CTNND2: variants seen among roughly 807,000 people sequenced by gnomAD.
The protein encoded by CTNND2 is catenin delta 2.
Under a neutral mutation model 144.4 loss-of-function variants are expected in CTNND2, and 22 were observed. That is an observed-to-expected ratio of 0.15 (90% CI 0.11 to 0.22). CTNND2 has a LOEUF of 0.22. Among genes scored for constraint, CTNND2 ranks in the 10% least tolerant of loss-of-function variants. The pLI is 1.00. For missense variants in CTNND2, 1,353 were observed against 1,618.8 expected (o/e 0.84, Z 2.82); for synonymous variants, 751 against 695.6 (o/e 1.08, Z -1.25).
At chr5:11,285,072 T>C (rs1238054297) in intron 9 of CTNND2, among the ~76,000 whole-genome samples, 2 of 152,170 alleles carry the variant, frequency 1.3e-5, no homozygotes, top group Non-Finnish European at 2.9e-5. Context: ...GATAATTTAG[T>C]TTAGAGAGAA....
intron 2 of CTNND2, among the ~76,000 whole-genome samples, chr5:11,590,207 G>A (rs546834396): frequency 5.9e-5 from 9 of 151,844 alleles, no homozygotes; most frequent in African/African-American, 1.7e-4. Context: ...CACCAGGCCC[G>A]GGTAATTTTT....
In CTNND2 at chr5:10,992,672, T is replaced by C; in HGVS notation, c.3090A>G (p.Gly1030=). 3 of 1,613,916 alleles carry C rather than the reference T, an allele frequency of 1.9e-6. No homozygotes were observed. Among genetic ancestry groups the C allele is most frequent in the South Asian group, 1.1e-5 (1 of 91,072 alleles). ...AGGCTACAAAGTGGTATTGTGACCA[T>C]CCATCCTGCAAAACACAGCACGCTC... is the stretch of plus-strand genomic sequence containing the variant. The part of the protein sequence containing the change: ...RDLRSLYKKD[G]WSQYHFVASS... The change falls in exon 19 of 22, where the codon GGA becomes GGG. Residue 1030 remains glycine, a synonymous_variant. Transcript: ENST00000304623.
At chr5:11,841,577 C>T (rs1794474335) in intron 1 of CTNND2, among the ~76,000 whole-genome samples, 1 of 152,094 alleles carries the variant, frequency 6.6e-6, no homozygotes, top group Non-Finnish European at 1.5e-5. Flanking sequence ...ATATAATAGA[C>T]ATACCACAAT....
intron 2 of CTNND2, among the ~76,000 whole-genome samples, chr5:11,595,997 G>A (rs1779485402): frequency 6.6e-6 from 1 of 152,122 alleles, no homozygotes; most frequent in Non-Finnish European, 1.5e-5. Flanking sequence ...CATTTTTAAA[G>A]TAATCTCTTT....
chr5:11,749,952 G>T (rs1788522314), intron 1 of CTNND2, among the ~76,000 whole-genome samples: 1 of 151,916 alleles, frequency 6.6e-6, no homozygotes. Flanking sequence ...TATGATTAGT[G>T]CTAAGTTTCC....
intron 16 of CTNND2, among the ~76,000 whole-genome samples, chr5:11,069,663 GAC>G (rs1345808064): frequency 3.0e-4 from 11 of 36,410 alleles, no homozygotes; most frequent in African/African-American, 1.5e-3. Flanking sequence ...GAGAGAGAGA[GAC>G]AGACAGACAG....
At chr5:11,236,992 T>C (rs1021288580) in intron 9 of CTNND2, among the ~76,000 whole-genome samples, 169 bp from the exon 10 acceptor site, 2 of 152,106 alleles carry the variant, frequency 1.3e-5, no homozygotes, top group African/African-American at 2.4e-5. Flanking sequence ...TTGGAAGAGA[T>C]TCCCTTGAGT....
At chr5:11,463,093 G>T (rs780139754) in intron 3 of CTNND2, among the ~76,000 whole-genome samples, 2 of 152,146 alleles carry the variant, frequency 1.3e-5, no homozygotes, top group Non-Finnish European at 2.9e-5. Flanking sequence ...TCCCATTTTA[G>T]CATTTCATTT....
At chr5:11,042,099 T>A in intron 16 of CTNND2, among the ~76,000 whole-genome samples, 1 of 152,162 alleles carries the variant, frequency 6.6e-6, no homozygotes, top group South Asian at 2.1e-4. Context: ...CCATTCCATT[T>A]CCAGAGAAGT....
At chr5:11,874,290 C>G (rs1735381962) in intron 1 of CTNND2, among the ~76,000 whole-genome samples, 1 of 152,170 alleles carries the variant, frequency 6.6e-6, no homozygotes, top group Non-Finnish European at 1.5e-5. Flanking sequence ...CATAAGATAG[C>G]AGTCTGAGGG....
intron 2 of CTNND2, among the ~76,000 whole-genome samples, chr5:11,588,333 T>C (rs866172226): frequency 8.6e-5 from 13 of 151,978 alleles, no homozygotes; most frequent in African/African-American, 3.1e-4. Flanking sequence ...AAAAAAGACC[T>C]ACAATTTCCA....
chr5:11,774,966 C>T (rs1484817086), intron 1 of CTNND2, among the ~76,000 whole-genome samples: 2 of 152,152 alleles, frequency 1.3e-5, no homozygotes, highest in African/African-American at 4.8e-5. Context: ...CATCCAATCC[C>T]ATCCTAGTTG....
At chr5:11,294,936 C>A (rs1297216691) in intron 9 of CTNND2, among the ~76,000 whole-genome samples, 1 of 152,176 alleles carries the variant, frequency 6.6e-6, no homozygotes, top group Non-Finnish European at 1.5e-5. Context: ...CAAGGATGCC[C>A]TCTCTCACCA....
At chr5:11,106,089 A>C (rs1752402766) in intron 14 of CTNND2, among the ~76,000 whole-genome samples, 1 of 152,234 alleles carries the variant, frequency 6.6e-6, no homozygotes, top group Non-Finnish European at 1.5e-5. Context: ...AGTGATAATA[A>C]AAAATCAAGT....
intron 9 of CTNND2, among the ~76,000 whole-genome samples, chr5:11,309,948 C>T (rs759331573): frequency 2.0e-5 from 3 of 152,154 alleles, no homozygotes; most frequent in Non-Finnish European, 2.9e-5. Flanking sequence ...TTCCCCTCTG[C>T]CTTCTGCCAT....
intron 11 of CTNND2, among the ~76,000 whole-genome samples, chr5:11,197,507 C>A (rs969209706): frequency 2.6e-5 from 4 of 152,146 alleles, no homozygotes; most frequent in Non-Finnish European, 4.4e-5. Context: ...AAGAGTGTAT[C>A]CTCTCCATAC....
At chr5:11,770,469 G>A (rs1486756852) in intron 1 of CTNND2, among the ~76,000 whole-genome samples, 3 of 145,088 alleles carry the variant, frequency 2.1e-5, no homozygotes, top group Non-Finnish European at 4.4e-5. Context: ...GGAAGGGGTA[G>A]GGGTAGGGGA....
At chr5:11,403,456 C>T (rs530281095) in intron 5 of CTNND2, among the ~76,000 whole-genome samples, 13 of 152,272 alleles carry the variant, frequency 8.5e-5, no homozygotes, top group African/African-American at 2.9e-4. Context: ...AGCAAACTGA[C>T]ATTTATCATA....
intron 11 of CTNND2, among the ~76,000 whole-genome samples, chr5:11,192,541 C>T (rs1463563646): frequency 1.3e-5 from 2 of 152,042 alleles, no homozygotes; most frequent in African/African-American, 4.8e-5. Context: ...TCACACGGGG[C>T]TTTAAAAGTA....
Sources: gnomAD v4.1 joint callset for allele counts (sites outside exome capture counted in the v4.1 genomes callset) on GRCh38, gnomAD v4.1.1 for gene constraint, MANE v1.5 for transcripts, NCBI Gene and HGNC (gene_info 2026-07-23, HGNC 2026-07-21) for gene names.